Variants in NCAM1 observed in about 807,000 individuals in gnomAD.
NCAM1 encodes the protein antigen recognized by monoclonal antibody 5.1H11.
In NCAM1, 14 loss-of-function variants were observed where a neutral mutation model predicts 109.8. The observed-to-expected ratio is 0.13, with a 90% CI of 0.08 to 0.20. NCAM1 has a LOEUF of 0.20. Among genes scored for constraint, NCAM1 ranks in the 10% least tolerant of loss-of-function variants. The probability of loss-of-function intolerance (pLI) is 1.00; values close to 1 mark genes in which losing one functional copy is unlikely to be tolerated. For synonymous variants in NCAM1, 418 were observed against 442.9 expected (o/e 0.94, Z 0.70); for missense variants, 774 against 1,109.9 (o/e 0.70, Z 4.30).
In NCAM1 at chr11:113,236,105, G is replaced by T. The variant is rs1047345315; in HGVS notation, c.1825+941G>T. ...GACCCACTGCCCTTACCTCTTCCCA[G>T]AAATAGGAAAGCCTGTCTCATCTTC... is the stretch of plus-strand genomic sequence containing the variant. On this transcript the variant is annotated intron_variant, in intron 14 of 19. Coordinates refer to ENST00000316851, the MANE Select transcript of NCAM1 (RefSeq NM_181351.5). Among the ~76,000 whole-genome samples the T allele has an allele frequency of 8.5e-5, 13 of 152,196 alleles. No individual in the cohort carries two copies. The highest frequency in any genetic ancestry group is 3.1e-4 in the African/African-American group (13 of 41,458).
At chr11:113,104,667 T>C (rs1335188718) in intron 1 of NCAM1, among the ~76,000 whole-genome samples, 2 of 152,210 alleles carry the variant, frequency 1.3e-5, no homozygotes, top group African/African-American at 2.4e-5. Flanking sequence ...ATTTGAACGA[T>C]GCAAAACATT....
intron 1 of NCAM1, among the ~76,000 whole-genome samples, chr11:112,995,354 A>G (rs556482286): frequency 6.6e-6 from 1 of 152,168 alleles, no homozygotes; most frequent in Non-Finnish European, 1.5e-5. Context: ...TTCTAAATAC[A>G]TTTCTGTTAA....
chr11:113,236,207 G>C, intron 14 of NCAM1: 3 of 1,325,378 alleles, frequency 2.3e-6, no homozygotes, highest in Non-Finnish European at 3.2e-6. Context: ...GTGCTCTGCG[G>C]ATTCTATTCA....
chr11:113,135,791 G>A (rs1441870507), intron 1 of NCAM1, among the ~76,000 whole-genome samples: 1 of 152,168 alleles, frequency 6.6e-6, no homozygotes, highest in Non-Finnish European at 1.5e-5. Context: ...GAAAGCGAGG[G>A]CCAGCTATTT....
intron 1 of NCAM1, among the ~76,000 whole-genome samples, chr11:113,201,516 C>T (rs1944060004): frequency 6.6e-6 from 1 of 152,214 alleles, no homozygotes; most frequent in South Asian, 2.1e-4. Context: ...AAGCATTTTT[C>T]CACCTCGAAA....
chr11:113,122,813 C>T (rs1941023934), intron 1 of NCAM1, among the ~76,000 whole-genome samples: 1 of 152,044 alleles, frequency 6.6e-6, no homozygotes, highest in Non-Finnish European at 1.5e-5. Flanking sequence ...AAAAGGAACT[C>T]AGGGTTGTCT....
chr11:113,060,691 A>G (rs1229842635), intron 1 of NCAM1, among the ~76,000 whole-genome samples: 1 of 152,182 alleles, frequency 6.6e-6, no homozygotes, highest in Non-Finnish European at 1.5e-5. Flanking sequence ...TTTTGGTTGC[A>G]GATTTTATTT....
intron 1 of NCAM1, among the ~76,000 whole-genome samples, chr11:112,968,146 T>G (rs930144506): frequency 2.6e-5 from 4 of 152,218 alleles, no homozygotes; most frequent in Admixed American, 1.3e-4. Flanking sequence ...AGAGGTTGTA[T>G]GTGTAGTGCT....
intron 1 of NCAM1, among the ~76,000 whole-genome samples, chr11:113,191,186 G>A (rs535418464): frequency 6.6e-6 from 1 of 152,288 alleles, no homozygotes; most frequent in South Asian, 2.1e-4. Flanking sequence ...GAGACAGAAG[G>A]GAAGGGCTGC....
intron 2 of NCAM1, 109 bp downstream of exon 2, chr11:113,202,562 T>A (rs921844953): frequency 1.5e-5 from 14 of 934,048 alleles, no homozygotes; most frequent in Non-Finnish European, 2.2e-5. Context: ...CACCTAGAAT[T>A]CTTGGCATTG....
intron 8 of NCAM1, among the ~76,000 whole-genome samples, chr11:113,214,876 C>G (rs1156274436): frequency 6.6e-6 from 1 of 152,064 alleles, no homozygotes; most frequent in Non-Finnish European, 1.5e-5. Flanking sequence ...TCAAGGGCAC[C>G]CTAGGAAAGA....
chr11:113,199,855 G>T (rs1482303930), intron 1 of NCAM1, among the ~76,000 whole-genome samples: 5 of 94,160 alleles, frequency 5.3e-5, no homozygotes, highest in African/African-American at 1.9e-4. Flanking sequence ...AAAAACTTCT[G>T]TGATGATAAA....
At chr11:113,019,019 C>G (rs1639996801) in intron 1 of NCAM1, among the ~76,000 whole-genome samples, 1 of 151,994 alleles carries the variant, frequency 6.6e-6, no homozygotes, top group Non-Finnish European at 1.5e-5. Context: ...TATCTTTGCT[C>G]TGGTCATAGA....
intron 1 of NCAM1, among the ~76,000 whole-genome samples, chr11:113,101,172 G>A (rs993664003): frequency 6.6e-6 from 1 of 152,136 alleles, no homozygotes; most frequent in African/African-American, 2.4e-5. Context: ...CCCTCATTGT[G>A]ATTGCTGTCA....
chr11:113,101,772 T>G (rs1472869820), intron 1 of NCAM1, among the ~76,000 whole-genome samples: 1 of 152,252 alleles, frequency 6.6e-6, no homozygotes, highest in Non-Finnish European at 1.5e-5. Flanking sequence ...ACAGTCAGGC[T>G]TTGCAATCAT....
At chr11:113,195,242 T>C (rs1369512087) in intron 1 of NCAM1, among the ~76,000 whole-genome samples, 1 of 152,226 alleles carries the variant, frequency 6.6e-6, no homozygotes, top group Non-Finnish European at 1.5e-5. Flanking sequence ...GCTGGAACTG[T>C]AGGACTCACA....
At chr11:113,263,271 A>G in intron 17 of NCAM1, 1 of 1,029,294 alleles carries the variant, frequency 9.7e-7, no homozygotes, top group Non-Finnish European at 1.2e-6. Flanking sequence ...AAACCTAAAT[A>G]TGATGTAGCA....
chr11:113,199,673 ACCTAAT>A (rs575364114), intron 1 of NCAM1, among the ~76,000 whole-genome samples: 281 of 151,662 alleles, frequency 1.9e-3, no homozygotes, highest in African/African-American at 6.5e-3. Context: ...TAGGAGATAT[ACCTAAT>A]GCTAAATGAC....
chr11:113,230,300 A>G (rs1944968870), intron 9 of NCAM1, among the ~76,000 whole-genome samples: 1 of 152,244 alleles, frequency 6.6e-6, no homozygotes, highest in South Asian at 2.1e-4. Context: ...GCAGAGGATC[A>G]GAGAACTCAT....
Sources: gnomAD v4.1 joint callset for allele counts (sites outside exome capture counted in the v4.1 genomes callset) on GRCh38, gnomAD v4.1.1 for gene constraint, MANE v1.5 for transcripts, NCBI Gene and HGNC (gene_info 2026-07-23, HGNC 2026-07-21) for gene names.